The following MCM4 variants were observed in gnomAD, a reference collection of about 807,000 sequenced individuals.
The protein encoded by MCM4 is minichromosome maintenance complex component 4, also known as DNA replication licensing factor MCM4.
MCM4 carries 60 observed loss-of-function variants against 88.7 expected under a neutral mutation model. The ratio of observed to expected loss-of-function variants is 0.68; its 90% CI spans 0.55 to 0.84. The LOEUF is 0.84. Among genes scored for constraint, MCM4 ranks in the 40% least tolerant of loss-of-function variants. The pLI is 0.00. For missense variants in MCM4, 1,149 were observed against 1,105.5 expected (o/e 1.04, Z -0.56); for synonymous variants, 465 against 410.5 (o/e 1.13, Z -1.61).
At chr8:47,968,844 G>A (rs549798232) in intron 10 of MCM4, among the ~76,000 whole-genome samples, 31 of 151,994 alleles carry the variant, frequency 2.0e-4, no homozygotes, top group Non-Finnish European at 3.4e-4. Context: ...CAGAAAAGAC[G>A]AACATCAGAT....
chr8:47,962,313 A>G lies in MCM4; in HGVS notation c.408A>G (p.Ala136=). The G allele has an allele frequency of 1.2e-6, 2 of 1,614,242 alleles. No individual in the cohort carries two copies. The highest frequency in any genetic ancestry group is 2.2e-5 in the East Asian group (1 of 44,888). The stretch of plus-strand genomic sequence containing the variant: ...CATGTTTTTCTGTGTAGGCAGCAGC[A>G]GAAGATATAGTGGCAAGTGAGCAGT... ...QVDLQSDGAA[A]EDIVASEQSL... Residue 136 remains alanine (A), a synonymous_variant, in exon 5 of 17, where the codon GCA becomes GCG. Transcript: ENST00000649973.
Position 47,967,571 on chromosome 8 carries a change from A to G in MCM4, c.1174+86A>G, listed in dbSNP as rs1347296257. On this transcript the variant is annotated intron_variant, in intron 10 of 16. Coordinates refer to ENST00000649973, the MANE Select transcript of MCM4 (RefSeq NM_182746.3). Reference sequence around the variant, plus strand: ...TTAGTGAGTCATTGGACTTGGTCACAGGTCCAGTTCTACCTCCAGTTGTCA... The same window carrying G: ...TTAGTGAGTCATTGGACTTGGTCACGGGTCCAGTTCTACCTCCAGTTGTCA... 11 of 1,557,132 alleles carry G rather than the reference A, an allele frequency of 7.1e-6. No homozygotes were observed. The African/African-American group carries it at 1.4e-4, about 19-fold the overall frequency.
intron 13 of MCM4, among the ~76,000 whole-genome samples, chr8:47,971,715 C>T (rs2090954961): frequency 6.6e-6 from 1 of 152,184 alleles, no homozygotes; most frequent in South Asian, 2.1e-4. Flanking sequence ...AGTCCTAAAG[C>T]CACTGCTGAG....
Position 47,971,410 on chromosome 8 carries a change from T to C in MCM4, c.1870T>C (p.Trp624Arg). 6.2e-7 allele frequency: 1 copy of C among 1,614,136 alleles called. No homozygotes were observed. Among genetic ancestry groups the C allele is most frequent in the Non-Finnish European group, 8.5e-7 (1 of 1,179,994 alleles). The change falls in exon 13 of 17, where the codon TGG becomes CGG. Residue 624 changes from tryptophan (W) to arginine (R), a missense_variant. Trp to Arg is a moderately radical substitution (Grantham distance 101, BLOSUM62 -3). Around this residue, in one of 3 missense-constraint regions of MCM4, gnomAD observed 906 missense variants for 843.0 expected, o/e 1.07. Coordinates refer to ENST00000649973, the MANE Select transcript of MCM4 (RefSeq NM_182746.3). ...AGCAGCAAATCCCATTGAGTCTCAG[T>C]GGAATCCTAAAAAAACAACCATTGA... is the stretch of plus-strand genomic sequence containing the variant. ...LAAANPIESQWNPKKTTIENI... is the reference protein window; with the variant it reads ...LAAANPIESQRNPKKTTIENI...
intron 14 of MCM4, among the ~76,000 whole-genome samples, chr8:47,973,318 A>G (rs1471562204): frequency 1.3e-5 from 2 of 151,730 alleles, no homozygotes; most frequent in African/African-American, 2.4e-5. Context: ...CTGGGATTAC[A>G]GGTGCCCACA....
intron 7 of MCM4, among the ~76,000 whole-genome samples, chr8:47,964,021 C>A (rs2090873694): frequency 6.6e-6 from 1 of 152,118 alleles, no homozygotes; most frequent in Non-Finnish European, 1.5e-5. Context: ...GTTGGGAGTT[C>A]AAGACCAGCC....
Position 47,974,816 on chromosome 8 carries a change from T to A in MCM4, c.2219T>A (p.Leu740Ter), listed in dbSNP as rs886577025. 3.7e-6 allele frequency: 6 copies of A among 1,614,110 alleles called. No homozygotes were observed. The highest frequency in any genetic ancestry group is 4.2e-6 in the Non-Finnish European group (5 of 1,180,054). The stretch of plus-strand genomic sequence containing the variant: ...CGACAGCTAGAGTCATTAATCCGCT[T>A]AGCAGAAGCCCATGCTAAAGTAAGA... ...YPRQLESLIRLAEAHAKVRLS... is the reference protein window; with the variant it reads ...YPRQLESLIR The change falls in exon 15 of 17, where the codon TTA becomes TAA. Residue 740 changes from leucine to a stop codon, truncating the protein, a stop_gained. Coordinates refer to ENST00000649973, the MANE Select transcript of MCM4 (RefSeq NM_182746.3). LOFTEE classifies it high-confidence loss of function.
chr8:47,976,128 A>T (rs180740077), intron 16 of MCM4, among the ~76,000 whole-genome samples: 1 of 152,146 alleles, frequency 6.6e-6, no homozygotes, highest in Non-Finnish European at 1.5e-5. Context: ...CCCTGTCTCT[A>T]TTAAAAATAC....
chr8:47,967,480 T>C lies in MCM4; in HGVS notation c.1169T>C (p.Val390Ala), dbSNP rs367626887. ...GTCCAGCCTGGGGACAGAGTGAATG[T>C]TACAGGTAAGAGTGTAGGTTTGCAC... ...DKVQPGDRVN[V>A]TGIYRAVPIR... Residue 390 changes from valine (V) to alanine (A), a missense_variant, in exon 10 of 17, where the codon GTT (valine) becomes GCT (alanine). Coordinates refer to ENST00000649973, the MANE Select transcript of MCM4 (RefSeq NM_182746.3). 6.2e-7 allele frequency: 1 copy of C among 1,614,056 alleles called. No individual in the cohort carries two copies. The highest frequency in any genetic ancestry group is 8.5e-7 in the Non-Finnish European group (1 of 1,180,014).
At position 47,964,562 on chromosome 8, in the gene MCM4, T is replaced by C; in HGVS notation, c.694-12T>C. On this transcript the variant is annotated splice_polypyrimidine_tract_variant and intron_variant, in intron 7 of 16. Transcript: ENST00000649973. ...TATGAATACAAATACATCTTCATAT[T>C]TGTTTTTACAGGAAGTTATTCCAAC... is the stretch of plus-strand genomic sequence containing the variant. 1 of 1,577,982 alleles carries C rather than the reference T, an allele frequency of 6.3e-7. No individual in the cohort carries two copies. Among genetic ancestry groups the C allele is most frequent in the Non-Finnish European group, 8.6e-7 (1 of 1,166,300 alleles).
intron 14 of MCM4, 31 bp from the exon 15 acceptor site, chr8:47,974,703 G>A: frequency 6.4e-7 from 1 of 1,574,606 alleles, no homozygotes; most frequent in Non-Finnish European, 8.7e-7. Context: ...AAGGAGGTTT[G>A]CTTTTGCTTT....
chr8:47,962,196 G>C lies in MCM4; in HGVS notation c.379G>C (p.Val127Leu). 1 of 1,614,232 alleles carries C rather than the reference G, an allele frequency of 6.2e-7. No individual in the cohort carries two copies. Among genetic ancestry groups the C allele is most frequent in the Non-Finnish European group, 8.5e-7 (1 of 1,180,034 alleles). ...DLGSAQKGLQ[V>L]DLQSDGAAAE... The stretch of plus-strand genomic sequence containing the variant: ...GGGCTCTGCACAGAAGGGCCTGCAA[G>C]TGGATCTGCAGTCTGACGGGGTGAG... The change falls in exon 4 of 17, where the codon GTG becomes CTG. Residue 127 changes from valine to leucine, a missense_variant. By Grantham distance (32) the Val-to-Leu change is conservative. Coordinates refer to ENST00000649973, the MANE Select transcript of MCM4 (RefSeq NM_182746.3).
In MCM4 at chr8:47,961,511, A is replaced by G; in HGVS notation, c.71-5A>G. 1 of 1,613,900 alleles carries G rather than the reference A, an allele frequency of 6.2e-7. No individual in the cohort carries two copies. The highest frequency in any genetic ancestry group is 8.5e-7 in the Non-Finnish European group (1 of 1,180,036). On this transcript the variant is annotated splice_polypyrimidine_tract_variant and splice_region_variant and intron_variant, in intron 2 of 16. Coordinates refer to ENST00000649973, the MANE Select transcript of MCM4 (RefSeq NM_182746.3). ...GGCTGTCTTTTCTGTTTTGTGTGAC[A>G]CAAGCTCGGAGTGAGGATGCCAGGT...
intron 7 of MCM4, among the ~76,000 whole-genome samples, chr8:47,963,740 A>G (rs887839486): frequency 8.5e-5 from 13 of 152,218 alleles, no homozygotes; most frequent in Non-Finnish European, 1.9e-4. Context: ...GTCAGTTTCT[A>G]TTAATGAAGT....
rs751016435 is a variant in MCM4 at position 47,966,213 on chromosome 8, G to A, written c.859G>A (p.Gly287Ser). The change falls in exon 9 of 17, where the codon GGC becomes AGC. Residue 287 changes from glycine to serine, a missense_variant. Transcript: ENST00000649973. Reference protein sequence around the residue: ...EDIDQLITISGMVIRTSQLIP... With the variant: ...EDIDQLITISSMVIRTSQLIP... The stretch of plus-strand genomic sequence containing the variant: ...CATTGACCAGCTCATCACCATCAGC[G>A]GCATGGTGATCAGGACATCCCAGCT... The A allele has an allele frequency of 2.5e-5, 40 of 1,613,690 alleles. No individual in the cohort carries two copies. Among genetic ancestry groups the A allele is most frequent in the East Asian group, 4.5e-5 (2 of 44,896 alleles).
intron 3 of MCM4, 70 bp downstream of exon 3, chr8:47,961,750 T>G: frequency 6.5e-7 from 1 of 1,527,136 alleles, no homozygotes; most frequent in Non-Finnish European, 8.8e-7. Context: ...TCAGGTTTAC[T>G]GGCTTTATAA....
rs1173649773 is a variant in MCM4, at chr8:47,967,477, A to G, written c.1166A>G (p.Asn389Ser). 6.2e-7 allele frequency: 1 copy of G among 1,614,144 alleles called. No homozygotes were observed. Among genetic ancestry groups the G allele is most frequent in the Non-Finnish European group, 8.5e-7 (1 of 1,180,000 alleles). Residue 389 changes from asparagine to serine, a missense_variant, in exon 10 of 17, where the codon AAT becomes AGT. By Grantham distance (46) the Asn-to-Ser change is conservative (BLOSUM62 1). This residue lies in a region of MCM4 where 906 missense variants were observed against 843.0 expected (regional missense o/e 1.07). Transcript: ENST00000649973. ...VDKVQPGDRV[N>S]VTGIYRAVPI... ...AAGGTCCAGCCTGGGGACAGAGTGAATGTTACAGGTAAGAGTGTAGGTTTG... is the reference window on the plus strand; with the variant it reads ...AAGGTCCAGCCTGGGGACAGAGTGAGTGTTACAGGTAAGAGTGTAGGTTTG...
intron 13 of MCM4, 24 bp from the exon 14 acceptor site, chr8:47,972,833 A>G: frequency 6.2e-7 from 1 of 1,606,458 alleles, no homozygotes; most frequent in South Asian, 1.1e-5. Flanking sequence ...CTGGAAAAAC[A>G]GTATTTTTAC....
chr8:47,973,811 T>C (rs1293090022), intron 14 of MCM4: 3 of 152,262 alleles, frequency 2.0e-5, no homozygotes, highest in African/African-American at 7.2e-5. Flanking sequence ...TATAACTGTT[T>C]ATTACTTCCT....
Sources: gnomAD v4.1 joint callset for allele counts (sites outside exome capture counted in the v4.1 genomes callset) on GRCh38, gnomAD v4.1.1 for gene constraint, gnomAD v4.1.1 regional missense constraint, MANE v1.5 for transcripts, NCBI Gene and HGNC (gene_info 2026-07-23, HGNC 2026-07-21) for gene names.